RNF212B: variants seen among roughly 807,000 people sequenced by gnomAD.
RNF212B encodes the protein E3 ubiquitin-protein ligase RNF212B.
A neutral mutation model predicts 55.5 loss-of-function variants in RNF212B; 52 were observed. The ratio of observed to expected loss-of-function variants is 0.94; its 90% CI spans 0.75 to 1.18. The LOEUF (loss-of-function observed/expected upper bound fraction) is 1.18. Among genes scored for constraint, RNF212B ranks in the 50% most tolerant of loss-of-function variants. The probability of loss-of-function intolerance (pLI) is 0.00; values close to 1 mark genes in which losing one functional copy is unlikely to be tolerated. For synonymous variants in RNF212B, 99 were observed against 121.4 expected, an observed-to-expected ratio of 0.82 and a Z score of 1.21; for missense variants, 289 against 350.4, an observed-to-expected ratio of 0.82 and a Z score of 1.40.
At chr14:23,227,242 G>A (rs1195626016) in intron 2 of RNF212B, among the ~76,000 whole-genome samples, 2 of 150,872 alleles carry the variant, frequency 1.3e-5, no homozygotes, top group Non-Finnish European at 2.9e-5. Flanking sequence ...TTGGTAAAAC[G>A]GAGTAGAAAC....
At chr14:23,214,518 T>A (rs940236176) in intron 2 of RNF212B, among the ~76,000 whole-genome samples, 4 of 151,722 alleles carry the variant, frequency 2.6e-5, no homozygotes, top group African/African-American at 4.8e-5. Context: ...TAAATTAAAA[T>A]TTTAAAATTA....
intron 2 of RNF212B, among the ~76,000 whole-genome samples, chr14:23,211,217 CA>C (rs756327857): frequency 2.2e-4 from 11 of 49,140 alleles, no homozygotes; most frequent in Non-Finnish European, 2.1e-4. Flanking sequence ...GACTCTGTCT[CA>C]AAAAAAAAAA....
At position 23,268,929 on chromosome 14, in the gene RNF212B, C is replaced by A; in HGVS notation, c.640C>A (p.Pro214Thr). Residue 214 changes from proline (P) to threonine (T), a missense_variant, in exon 12 of 15, where the codon CCT becomes ACT. By Grantham distance (38) the Pro-to-Thr change is conservative. Coordinates refer to ENST00000430154, the MANE Select transcript of RNF212B (RefSeq NM_001282322.3). The stretch of plus-strand genomic sequence containing the variant: ...CTTATTTTTATGCTTTCCAGAAACC[C>A]CTTCACCGGCTTCAACTCATAGCCT... The part of the protein sequence containing the change: ...RTPRDSYNET[P>T]SPASTHSLSY... The A allele has an allele frequency of 2.6e-6, 4 of 1,550,482 alleles. No homozygotes were observed. Among genetic ancestry groups the A allele is most frequent in the Non-Finnish European group, 3.5e-6 (4 of 1,146,588 alleles).
At chr14:23,214,475 C>A (rs1394463492) in intron 2 of RNF212B, among the ~76,000 whole-genome samples, 1 of 152,104 alleles carries the variant, frequency 6.6e-6, no homozygotes, top group East Asian at 1.9e-4. Flanking sequence ...GCCTGGGCAA[C>A]AGAGTGAGAC....
chr14:23,250,405 C>G (rs1011682123), intron 4 of RNF212B, among the ~76,000 whole-genome samples: 1 of 151,124 alleles, frequency 6.6e-6, no homozygotes, highest in Non-Finnish European at 1.5e-5. Flanking sequence ...ATTGCTTGAA[C>G]CTGGGAGGCA....
chr14:23,208,230 C>G (rs1263092246), intron 2 of RNF212B, among the ~76,000 whole-genome samples: 3 of 152,292 alleles, frequency 2.0e-5, no homozygotes, highest in Non-Finnish European at 4.4e-5. Context: ...TTTCAAAAGA[C>G]TTAGGAGTCA....
chr14:23,225,160 T>G (rs1202169968), intron 2 of RNF212B, among the ~76,000 whole-genome samples: 3 of 152,006 alleles, frequency 2.0e-5, no homozygotes, highest in African/African-American at 7.2e-5. Context: ...CAATAACAAG[T>G]GCTGGCGAGG....
In RNF212B at chr14:23,215,192, C is replaced by CTT. The variant is rs560987863; in HGVS notation, c.-2+21792_-2+21793insTT. ...GTGTTTGGCAGTTCCCCCCACCCCT[C>CTT]TGCCTCTCCTGTTGTCATGTAAGGT... On this transcript the variant is annotated intron_variant, in intron 2 of 15. Transcript: ENST00000399910. Among the ~76,000 whole-genome samples the CTT allele has an allele frequency of 3.4e-3, 513 of 152,242 alleles. 1 individual carries two copies. The highest frequency in any genetic ancestry group is 6.3e-3 in the Non-Finnish European group (427 of 68,018).
chr14:23,205,811 C>T (rs1055282672), intron 2 of RNF212B, among the ~76,000 whole-genome samples: 10 of 152,164 alleles, frequency 6.6e-5, no homozygotes, highest in Non-Finnish European at 1.2e-4. Context: ...TTTTATTAAA[C>T]CCATATCAAT....
chr14:23,199,921 A>C (rs781171380), intron 2 of RNF212B, among the ~76,000 whole-genome samples: 11 of 152,146 alleles, frequency 7.2e-5, no homozygotes, highest in South Asian at 4.2e-4. Context: ...GAAAAAAAGA[A>C]GGGAAAAAAA....
At chr14:23,227,633 G>C (rs115328395) in intron 2 of RNF212B, among the ~76,000 whole-genome samples, 1 of 151,796 alleles carries the variant, frequency 6.6e-6, no homozygotes, top group African/African-American at 2.4e-5. Flanking sequence ...ACTAGTTCTC[G>C]CCCTGTCACC....
At chr14:23,263,549 T>C (rs1885458791) in intron 9 of RNF212B, among the ~76,000 whole-genome samples, 2 of 152,090 alleles carry the variant, frequency 1.3e-5, no homozygotes, top group Non-Finnish European at 2.9e-5. Context: ...TGCTGAAAGA[T>C]GGAAAAGGAG....
chr14:23,258,787 T>A (rs950850710), intron 5 of RNF212B, 123 bp downstream of exon 5: 3 of 451,644 alleles, frequency 6.6e-6, no homozygotes, highest in African/African-American at 2.1e-5. Context: ...TTTGGGAAAA[T>A]CAGGTACAGA....
chr14:23,239,025 C>T (rs1158577872), intron 1 of RNF212B, among the ~76,000 whole-genome samples: 4 of 152,028 alleles, frequency 2.6e-5, no homozygotes, highest in Non-Finnish European at 4.4e-5. Flanking sequence ...ACTGAACAAA[C>T]ATTAAGTAAT....
intron 2 of RNF212B, among the ~76,000 whole-genome samples, chr14:23,229,220 T>TTATTTA (rs1882311362): frequency 1.5e-5 from 1 of 65,036 alleles, no homozygotes; most frequent in African/African-American, 5.0e-5. Context: ...GAATAATATT[T>TTATTTA]TATATATATA....
intron 2 of RNF212B, among the ~76,000 whole-genome samples, chr14:23,226,312 A>T (rs1228324908): frequency 3.4e-5 from 5 of 145,930 alleles, no homozygotes; most frequent in African/African-American, 1.3e-4. Flanking sequence ...AAAAAAAAAA[A>T]AAAATTAAAT....
At chr14:23,247,733 AT>A (rs1402874496) in intron 4 of RNF212B, among the ~76,000 whole-genome samples, 1 of 152,240 alleles carries the variant, frequency 6.6e-6, no homozygotes, top group African/African-American at 2.4e-5. Context: ...GCTATGGAAC[AT>A]TTATGTACAA....
chr14:23,214,148 CTT>C (rs1319082857), intron 2 of RNF212B, among the ~76,000 whole-genome samples: 1 of 152,058 alleles, frequency 6.6e-6, no homozygotes, highest in Non-Finnish European at 1.5e-5. Context: ...TACAAAAACA[CTT>C]ATAAAATTTT....
intron 2 of RNF212B, among the ~76,000 whole-genome samples, chr14:23,202,005 C>A (rs187961468): frequency 8.8e-4 from 134 of 152,252 alleles, no homozygotes; most frequent in Non-Finnish European, 1.7e-3. Context: ...AATCCCAGCA[C>A]TTTGTGAGGC....
Sources: allele counts gnomAD v4.1 joint callset (sites outside exome capture counted in the v4.1 genomes callset), GRCh38; gene constraint gnomAD v4.1.1; transcripts MANE v1.5; gene names NCBI Gene and HGNC (gene_info 2026-07-23, HGNC 2026-07-21).